ARHGEF1: variants seen among roughly 807,000 people sequenced by gnomAD.
The protein encoded by ARHGEF1 is 115 kDa guanine nucleotide exchange factor.
Under a neutral mutation model 119.7 loss-of-function variants are expected in ARHGEF1, and 40 were observed. The observed-to-expected ratio is 0.33, with a 90% CI of 0.26 to 0.44. ARHGEF1 has a LOEUF of 0.44. Ranked by LOEUF, ARHGEF1 falls within the 20% of genes least tolerant of loss-of-function variation. The pLI, the probability that ARHGEF1 is intolerant of heterozygous loss-of-function variation, is 1.00. For missense variants in ARHGEF1, 976 were observed against 1,268.3 expected, an observed-to-expected ratio of 0.77 and a Z score of 3.50; for synonymous variants, 494 against 521.0, an observed-to-expected ratio of 0.95 and a Z score of 0.71.
intron 1 of ARHGEF1, among the ~76,000 whole-genome samples, chr19:41,885,565 G>A (rs950394761): frequency 6.6e-6 from 1 of 152,114 alleles, no homozygotes; most frequent in Admixed American, 6.6e-5. Context: ...GGATTCAAGC[G>A]ATTCTCCTGC....
intron 13 of ARHGEF1, chr19:41,897,452 T>A: frequency 3.4e-6 from 2 of 580,272 alleles, no homozygotes; most frequent in Non-Finnish European, 4.8e-6. Context: ...GACATCACCC[T>A]CCCAGTTGAA....
In ARHGEF1 at chr19:41,904,590, C is replaced by T. The variant is rs370708508; in HGVS notation, c.2161+207C>T. On this transcript the variant is annotated intron_variant, in intron 22 of 28. Transcript: ENST00000354532. The surrounding 1 kb of genome is among the most constrained non-coding windows in gnomAD (Gnocchi z 8.4). ...ACTGCTGCAGGTGTTTGCACAGAGG[C>T]GTGTCTTGTGTAAACAAGGAGAAGA... Among the ~76,000 whole-genome samples the T allele has an allele frequency of 6.6e-6, 1 of 152,066 alleles. No individual in the cohort carries two copies. Among genetic ancestry groups the T allele is most frequent in the South Asian group, 2.1e-4 (1 of 4,824 alleles).
intron 4 of ARHGEF1, among the ~76,000 whole-genome samples, chr19:41,891,794 C>CATAG (rs1159280797): frequency 6.6e-6 from 1 of 152,142 alleles, no homozygotes; most frequent in Non-Finnish European, 1.5e-5. Flanking sequence ...CACAAAGGAC[C>CATAG]ATAGCACAGG....
rs1555851979 is a variant in ARHGEF1 at position 41,916,763 on chromosome 19, C to G, written c.1866-6329C>G. 6.6e-6 allele frequency among the ~76,000 whole-genome samples: 1 copy of G among 152,070 alleles called. No individual in the cohort carries two copies. The highest frequency in any genetic ancestry group is 2.4e-5 in the African/African-American group (1 of 41,380). ...AGCACCAACCCAGACAGCCAACGCACACGGCCACACACACACCCATTCACA... is the reference window on the plus strand; with the variant it reads ...AGCACCAACCCAGACAGCCAACGCAGACGGCCACACACACACCCATTCACA... On this transcript the variant is annotated intron_variant, in intron 18 of 20. Transcript: ENST00000599589. The surrounding 1 kb of genome is among the most constrained non-coding windows in gnomAD (Gnocchi z 5.4).
intron 1 of ARHGEF1, among the ~76,000 whole-genome samples, chr19:41,926,175 T>C (rs1260087148): frequency 2.0e-5 from 3 of 151,634 alleles, no homozygotes; most frequent in African/African-American, 7.3e-5. Flanking sequence ...GGGCAGATTT[T>C]AGAGAACAGG....
rs374431812 is a variant in ARHGEF1, at chr19:41,893,310, G to A, written c.644+7G>A. ...CTACCGACGAAGAAAAGAGGTGAGG[G>A]GGGCAGGGGAGGCGTGCGGCCTCCT... On this transcript the variant is annotated splice_region_variant and intron_variant, in intron 8 of 28. Transcript: ENST00000354532. The A allele has an allele frequency of 1.1e-4, 171 of 1,607,286 alleles. No homozygotes were observed. Among genetic ancestry groups the A allele is most frequent in the Non-Finnish European group, 7.2e-5 (85 of 1,177,246 alleles).
chr19:41,899,209 G>A (rs1428668021), intron 14 of ARHGEF1, among the ~76,000 whole-genome samples: 3 of 151,856 alleles, frequency 2.0e-5, no homozygotes, highest in Admixed American at 6.6e-5. Context: ...GGCTGGTCTC[G>A]AACCCTTGGG....
chr19:41,893,084 G>C lies in ARHGEF1; in HGVS notation c.615-190G>C, dbSNP rs1388451517. 4 of 1,000,910 alleles carry C rather than the reference G, an allele frequency of 4.0e-6. No individual in the cohort carries two copies. In the East Asian group the frequency reaches 8.1e-5, roughly 20 times the overall value. 62.0% of individuals were successfully genotyped at this position (1,000,910 alleles called of 1,614,324 possible). A position where few individuals can be genotyped will look rare whatever the true frequency, so the allele number is the denominator to read the frequency against. ...GGGTCTTGTCCATGATCTGGCACTT[G>C]GATCCCATCCTCCTGGATGAGAGAC... is the stretch of plus-strand genomic sequence containing the variant. On this transcript the variant is annotated intron_variant, in intron 7 of 28. Transcript: ENST00000354532.
chr19:41,915,675 GTCTCCATGTCTCCA>G lies in ARHGEF1; in HGVS notation c.1866-7404_1866-7391del, dbSNP rs1372842426. Among the ~76,000 whole-genome samples the G allele has an allele frequency of 3.6e-4, 54 of 151,866 alleles. No individual in the cohort carries two copies. In the Middle Eastern group the frequency reaches 0.017, roughly 48 times the overall value. On this transcript the variant is annotated intron_variant, in intron 18 of 20. Transcript: ENST00000599589. ...CCCATCTCCCTGTCTCTGTGTCTCT[GTCTCCATGTCTCCA>G]TCTCCATGTCTCTATGTCTCTGTCT... is the stretch of plus-strand genomic sequence containing the variant.
At position 41,903,434 on chromosome 19, in the gene ARHGEF1, G is replaced by A; in HGVS notation, c.1839+27G>A. The A allele has an allele frequency of 6.2e-7, 1 of 1,605,048 alleles. No homozygotes were observed. Among genetic ancestry groups the A allele is most frequent in the Non-Finnish European group, 8.5e-7 (1 of 1,172,512 alleles). ...TGAGCCTGGGCTGGCCCCACACCCG[G>A]GACAGTGGATGGTGTGAGAGCAGGG... On this transcript the variant is annotated intron_variant, in intron 19 of 28. Coordinates refer to ENST00000354532, the MANE Select transcript of ARHGEF1 (RefSeq NM_004706.4). This position sits in a 1 kb window ranked among gnomAD's most constrained non-coding sequence, Gnocchi z 4.2.
chr19:41,891,533 C>A (rs574342028), intron 4 of ARHGEF1, among the ~76,000 whole-genome samples: 1 of 152,356 alleles, frequency 6.6e-6, no homozygotes, highest in East Asian at 1.9e-4. Flanking sequence ...ATCCACCTGC[C>A]TTGGCCTCCC....
At chr19:41,895,289 G>T (rs1159888346) in intron 11 of ARHGEF1, 60 bp from the exon 12 acceptor site, 1 of 1,547,532 alleles carries the variant, frequency 6.5e-7, no homozygotes, top group East Asian at 2.3e-5. Context: ...ATCCCCTGGC[G>T]GTTGTGGATT....
Position 41,894,558 on chromosome 19 carries a change from T to G in ARHGEF1, c.841+11T>G. The G allele has an allele frequency of 1.2e-6, 2 of 1,613,822 alleles. No homozygotes were observed. The highest frequency in any genetic ancestry group is 1.7e-6 in the Non-Finnish European group (2 of 1,179,804). On this transcript the variant is annotated intron_variant, in intron 10 of 28. Coordinates refer to ENST00000354532, the MANE Select transcript of ARHGEF1 (RefSeq NM_004706.4). ...GGGGAGAGCCCCAGGGTAAGGCGGCTCTGGCCTCTGCCCTCCCCTGTCTTC... is the reference window on the plus strand; with the variant it reads ...GGGGAGAGCCCCAGGGTAAGGCGGCGCTGGCCTCTGCCCTCCCCTGTCTTC...
At chr19:41,909,119 A>AGGGGTGTCCGGGCCCCTGGCTCTCCC, downstream of ARHGEF1, 2 of 1,231,896 alleles carry the variant, frequency 1.6e-6, no homozygotes, top group Non-Finnish European at 2.0e-6. This position sits in a 1 kb window ranked among gnomAD's most constrained non-coding sequence, Gnocchi z 5.2. Context: ...GGAGGTGAAC[A>AGGGGTGTCCGGGCCCCTGGCTCTCCC]GGGGTGTCCG....
chr19:41,915,978 G>A (rs1281579478), intron 18 of ARHGEF1, among the ~76,000 whole-genome samples: 1 of 151,694 alleles, frequency 6.6e-6, no homozygotes, highest in Non-Finnish European at 1.5e-5. Context: ...GGGTACTCCA[G>A]GCAAGCTTTA....
intron 18 of ARHGEF1, among the ~76,000 whole-genome samples, chr19:41,915,239 G>T (rs782082031): frequency 6.8e-6 from 1 of 147,738 alleles, no homozygotes; most frequent in African/African-American, 2.5e-5. Context: ...ACGAGGAGCC[G>T]TGGGATCGGC....
In ARHGEF1 at chr19:41,906,144, T is replaced by A; in HGVS notation, c.2491+119T>A. On this transcript the variant is annotated intron_variant, in intron 26 of 28. Transcript: ENST00000354532. This position sits in a 1 kb window ranked among gnomAD's most constrained non-coding sequence, Gnocchi z 4.5. ...CGCCCAGCTGCCAGAAAACAAATGC[T>A]CCAAACCCACCCAGCCTGCACCACT... 2.0e-6 allele frequency: 2 copies of A among 998,342 alleles called. No homozygotes were observed. Among genetic ancestry groups the A allele is most frequent in the Non-Finnish European group, 3.0e-6 (2 of 664,410 alleles). 61.8% of individuals were successfully genotyped at this position (998,342 alleles called of 1,614,324 possible).
intron 8 of ARHGEF1, 82 bp from the exon 9 acceptor site, chr19:41,894,123 AGT>A (rs782565114): frequency 7.7e-6 from 5 of 649,656 alleles, no homozygotes; most frequent in Non-Finnish European, 1.0e-5. Flanking sequence ...AGAGAGAGAG[AGT>A]GTGTGTGTGA....
At position 41,894,564 on chromosome 19, in the gene ARHGEF1, C is replaced by T; in HGVS notation, c.841+17C>T. 6 of 1,613,924 alleles carry T rather than the reference C, an allele frequency of 3.7e-6. No homozygotes were observed. The highest frequency in any genetic ancestry group is 4.2e-6 in the Non-Finnish European group (5 of 1,179,842). On this transcript the variant is annotated intron_variant, in intron 10 of 28. Transcript: ENST00000354532. Reference sequence around the variant, plus strand: ...AGCCCCAGGGTAAGGCGGCTCTGGCCTCTGCCCTCCCCTGTCTTCCCCAGC... The same window carrying T: ...AGCCCCAGGGTAAGGCGGCTCTGGCTTCTGCCCTCCCCTGTCTTCCCCAGC...
Sources: gnomAD v4.1 joint callset for allele counts (sites outside exome capture counted in the v4.1 genomes callset) on GRCh38, gnomAD v4.1.1 for gene constraint, Gnocchi (gnomAD v3.1) non-coding constraint, MANE v1.5 for transcripts, NCBI Gene and HGNC (gene_info 2026-07-23, HGNC 2026-07-21) for gene names.